Variants in RFPL1 observed in about 807,000 individuals in gnomAD.
RFPL1 encodes the protein ret finger protein-like 1.
In RFPL1, 6 loss-of-function variants were observed where a neutral mutation model predicts 9.6. The ratio of observed to expected loss-of-function variants is 0.62; its 90% CI spans 0.34 to 1.23. RFPL1 has a LOEUF of 1.23. RFPL1 is among the 50% of genes most tolerant of loss of function. RFPL1 has a pLI of 0.03. For synonymous variants in RFPL1, 145 were observed against 149.4 expected, an observed-to-expected ratio of 0.97 and a Z score of 0.22; for missense variants, 352 against 398.4, an observed-to-expected ratio of 0.88 and a Z score of 0.99.
chr22:29,438,456 T>G (rs2062819799), upstream of RFPL1: 2 of 443,592 alleles, frequency 4.5e-6, no homozygotes, highest in Non-Finnish European at 7.0e-6. Flanking sequence ...GTGCTGGGAT[T>G]ATAGGCCTGA....
At chr22:29,409,494 G>T in the RFPL1 span, among the ~76,000 whole-genome samples, 1 of 152,052 alleles carries the variant, frequency 6.6e-6, no homozygotes, top group Non-Finnish European at 1.5e-5. Context: ...ACACACTCCA[G>T]CCCCGGTCCA....
chr22:29,430,684 A>T, the RFPL1 span, among the ~76,000 whole-genome samples: 1 of 152,194 alleles, frequency 6.6e-6, no homozygotes, highest in African/African-American at 2.4e-5. Flanking sequence ...TAGAAAAAAC[A>T]TCTTAGTAAG....
chr22:29,440,560 C>T (rs746123778), intron 1 of RFPL1: 5 of 152,004 alleles, frequency 3.3e-5, no homozygotes, highest in South Asian at 4.1e-4. Flanking sequence ...TCAGTTATGA[C>T]GAACAACTTT....
chr22:29,410,428 T>TATATATATCTATATATAGATATATATA, the RFPL1 span, among the ~76,000 whole-genome samples: 31 of 50,196 alleles, frequency 6.2e-4, no homozygotes, highest in Non-Finnish European at 9.0e-4. Flanking sequence ...GATATATATA[T>TATATATATCTATATATAGATATATATA]TGTAGATATA....
chr22:29,422,943 A>C, the RFPL1 span, among the ~76,000 whole-genome samples: 1 of 152,148 alleles, frequency 6.6e-6, no homozygotes, highest in Admixed American at 6.5e-5. Flanking sequence ...CTCTAAAAGG[A>C]GTGGTCAATT....
At chr22:29,404,499 A>G in the RFPL1 span, among the ~76,000 whole-genome samples, 1 of 152,168 alleles carries the variant, frequency 6.6e-6, no homozygotes, top group East Asian at 1.9e-4. Context: ...GGTTCTAATA[A>G]GTATAAAGTG....
At chr22:29,412,114 G>C in the RFPL1 span, among the ~76,000 whole-genome samples, 1 of 152,120 alleles carries the variant, frequency 6.6e-6, no homozygotes, top group East Asian at 1.9e-4. Flanking sequence ...AGCAGAAATT[G>C]GTGAGAGGGG....
the RFPL1 span, among the ~76,000 whole-genome samples, chr22:29,422,783 A>G: frequency 1.4e-5 from 2 of 144,984 alleles, no homozygotes; most frequent in East Asian, 4.2e-4. Flanking sequence ...AAGGACACAC[A>G]GGTACATGGA....
At chr22:29,418,811 C>A in the RFPL1 span, among the ~76,000 whole-genome samples, 1 of 152,104 alleles carries the variant, frequency 6.6e-6, no homozygotes, top group East Asian at 1.9e-4. Flanking sequence ...ATTTCCCATT[C>A]TTTTTAAAAA....
chr22:29,397,196 AC>A, the RFPL1 span, among the ~76,000 whole-genome samples: 1 of 152,174 alleles, frequency 6.6e-6, no homozygotes, highest in Non-Finnish European at 1.5e-5. Context: ...GGCTTGAGCC[AC>A]CGCGCCCGGC....
chr22:29,391,834 G>A, the RFPL1 span, among the ~76,000 whole-genome samples: 4 of 152,214 alleles, frequency 2.6e-5, no homozygotes, highest in African/African-American at 9.7e-5. Flanking sequence ...CATTTTCCAA[G>A]CCTCTGGTTT....
chr22:29,441,688 C>T (rs556139209), exon 2 of RFPL1: 55 of 1,613,890 alleles, frequency 3.4e-5, no homozygotes, highest in Admixed American at 6.7e-5. Flanking sequence ...GGGCTCCCCT[C>T]GCTTTACCTG....
the RFPL1 span, among the ~76,000 whole-genome samples, chr22:29,394,307 C>A: frequency 6.6e-6 from 1 of 152,228 alleles, no homozygotes; most frequent in East Asian, 1.9e-4. Context: ...GCCTGTGCCA[C>A]CACTCCTGGC....
exon 2 of RFPL1, chr22:29,442,064 G>A (rs2062843404): frequency 1.2e-6 from 2 of 1,610,462 alleles, no homozygotes; most frequent in Middle Eastern, 1.6e-4. Flanking sequence ...TTGAGTATCT[G>A]TCCTGTGATA....
At chr22:29,397,990 C>T in the RFPL1 span, among the ~76,000 whole-genome samples, 35 of 152,128 alleles carry the variant, frequency 2.3e-4, no homozygotes, top group African/African-American at 2.9e-4. Context: ...CTGGCTTGCC[C>T]GAGGGGTCTC....
At chr22:29,400,018 C>T in the RFPL1 span, among the ~76,000 whole-genome samples, 2 of 131,138 alleles carry the variant, frequency 1.5e-5, no homozygotes, top group African/African-American at 2.9e-5. Context: ...TTTTTTGAGA[C>T]AGCGTCTGGC....
the RFPL1 span, among the ~76,000 whole-genome samples, chr22:29,399,998 T>C: frequency 2.0e-4 from 30 of 146,466 alleles, no homozygotes; most frequent in South Asian, 1.8e-3. Context: ...TCTTTTCTTT[T>C]TTTTTTTTTT....
At chr22:29,414,814 GC>G in the RFPL1 span, among the ~76,000 whole-genome samples, 14 of 146,368 alleles carry the variant, frequency 9.6e-5, no homozygotes, top group Non-Finnish European at 1.2e-4. Flanking sequence ...CTACCTTTTT[GC>G]TTTTTTTTTT....
At chr22:29,437,543 T>TCACC (rs2062814197), upstream of RFPL1, 1 of 1,390,200 alleles carries the variant, frequency 7.2e-7, no homozygotes, top group African/African-American at 1.4e-5. Context: ...TGGAGATATA[T>TCACC]CACCAGTAAA....
Sources: allele counts gnomAD v4.1 joint callset (sites outside exome capture counted in the v4.1 genomes callset), GRCh38; gene constraint gnomAD v4.1.1; transcripts MANE v1.5; gene names NCBI Gene and HGNC (gene_info 2026-07-23, HGNC 2026-07-21).